The following KRT8 variants were observed in gnomAD, a reference collection of about 807,000 sequenced individuals.
KRT8 encodes keratin, type II cytoskeletal 8.
In KRT8, 24 loss-of-function variants were observed where a neutral mutation model predicts 43.0. That is an observed-to-expected ratio of 0.56 (90% CI 0.40 to 0.78). KRT8 has a LOEUF of 0.78. Among genes scored for constraint, KRT8 ranks in the 30% least tolerant of loss-of-function variants. The pLI is 0.00. For missense variants in KRT8, 492 were observed against 638.4 expected, an observed-to-expected ratio of 0.77 and a Z score of 2.47; for synonymous variants, 214 against 261.2, an observed-to-expected ratio of 0.82 and a Z score of 1.74.
intron 1 of KRT8, chr12:52,903,621 C>G (rs1160318261): frequency 1.3e-5 from 2 of 152,362 alleles, no homozygotes; most frequent in East Asian, 3.9e-4. Flanking sequence ...GGCTGCAAAA[C>G]CCGGCCTGGC....
At chr12:52,901,573 C>A in intron 2 of KRT8, 1 of 569,358 alleles carries the variant, frequency 1.8e-6, no homozygotes, top group Admixed American at 3.0e-5. Flanking sequence ...AAAGTGAGGC[C>A]CACAGGCTGC....
chr12:52,902,006 T>C, exon 2 of KRT8: 2 of 1,603,668 alleles, frequency 1.2e-6, no homozygotes, highest in Non-Finnish European at 1.7e-6. Context: ...CTTCGAGCCG[T>C]CTTCTGCTGC....
intron 2 of KRT8, among the ~76,000 whole-genome samples, chr12:52,926,144 GC>G (rs965707751): frequency 8.2e-6 from 1 of 121,462 alleles, no homozygotes; most frequent in South Asian, 2.6e-4. Context: ...GTGTGTCCCT[GC>G]CCCCCGCCCC....
chr12:52,918,256 G>GAAGAAA (rs1363578951), intron 2 of KRT8, among the ~76,000 whole-genome samples: 13 of 150,148 alleles, frequency 8.7e-5, no homozygotes, highest in Non-Finnish European at 1.3e-4. Flanking sequence ...AGAAGAAGAA[G>GAAGAAA]AAACAAAACA....
chr12:52,926,332 G>GCCC, intron 2 of KRT8: 13 of 600,250 alleles, frequency 2.2e-5, no homozygotes, highest in East Asian at 6.6e-5. Flanking sequence ...GGCACTAGCT[G>GCCC]CCCTCCCCAC....
At chr12:52,917,987 AGAAGGAGAG>A (rs1163082600) in intron 2 of KRT8, among the ~76,000 whole-genome samples, 5 of 148,188 alleles carry the variant, frequency 3.4e-5, no homozygotes, top group Admixed American at 1.4e-4. Flanking sequence ...AAGAAGAAGA[AGAAGGAGAG>A]GAAGGAGAGG....
intron 7 of KRT8, among the ~76,000 whole-genome samples, chr12:52,898,159 C>T (rs937319515): frequency 6.6e-6 from 1 of 152,020 alleles, no homozygotes; most frequent in Non-Finnish European, 1.5e-5. Context: ...AGCGAGACTT[C>T]GTCTCAAAAA....
At chr12:52,936,813 C>T (rs192912659) in intron 2 of KRT8, among the ~76,000 whole-genome samples, 43 of 152,256 alleles carry the variant, frequency 2.8e-4, no homozygotes, top group Non-Finnish European at 5.4e-4. Context: ...CTGTGCCCAG[C>T]TGCTAGATTT....
chr12:52,921,045 C>T (rs1157979230), intron 2 of KRT8, among the ~76,000 whole-genome samples: 1 of 152,214 alleles, frequency 6.6e-6, no homozygotes, highest in Non-Finnish European at 1.5e-5. Context: ...TACAATGACC[C>T]ATTCATAGGC....
chr12:52,912,639 G>T (rs74089270), intron 2 of KRT8, among the ~76,000 whole-genome samples: 1 of 152,218 alleles, frequency 6.6e-6, no homozygotes, highest in Non-Finnish European at 1.5e-5. Context: ...GTGAAAAGAC[G>T]TGGGCAGGGG....
At position 52,930,595 on chromosome 12, in the gene KRT8, C is replaced by A. The variant is rs111318531; in HGVS notation, c.-47+18861G>T. On this transcript the variant is annotated intron_variant, in intron 2 of 6. Transcript: ENST00000546826. ...CCTTTTTTTGAGACAAAGTCTTACT[C>A]CGTCACCCAGGCTGAAGTGCAGTGG... is the stretch of plus-strand genomic sequence containing the variant. 1.1e-3 allele frequency among the ~76,000 whole-genome samples: 166 copies of A among 152,008 alleles called. 2 individuals are homozygous for A. The highest frequency in any genetic ancestry group is 3.7e-3 in the African/African-American group (155 of 41,456).
intron 2 of KRT8, among the ~76,000 whole-genome samples, chr12:52,936,266 A>G (rs139715101): frequency 0.028 from 4,262 of 152,202 alleles, 82 homozygotes; most frequent in Middle Eastern, 0.078. Context: ...AAACAAAAAA[A>G]AAATTCTAAA....
intron 2 of KRT8, among the ~76,000 whole-genome samples, chr12:52,915,345 G>C (rs1400500904): frequency 6.6e-6 from 1 of 150,542 alleles, no homozygotes; most frequent in Admixed American, 6.6e-5. Flanking sequence ...CTGCACTCCA[G>C]CTTGGGCAAC....
At chr12:52,900,613 T>A (rs1397248628) in exon 4 of KRT8, 1 of 1,612,280 alleles carries the variant, frequency 6.2e-7, no homozygotes, top group Non-Finnish European at 8.5e-7. Flanking sequence ...CCTGAGGAAG[T>A]TGATCTCGTC....
At chr12:52,909,866 A>G (rs540218126), upstream of KRT8, among the ~76,000 whole-genome samples, 1 of 152,344 alleles carries the variant, frequency 6.6e-6, no homozygotes, top group Non-Finnish European at 1.5e-5. Context: ...AGAGTGAGGG[A>G]GGACAGCACA....
intron 2 of KRT8, among the ~76,000 whole-genome samples, chr12:52,930,573 T>C (rs1169802509): frequency 6.6e-6 from 1 of 151,900 alleles, no homozygotes; most frequent in East Asian, 1.9e-4. Context: ...TTTTTTTCCT[T>C]TTTTTGAGAC....
chr12:52,944,809 A>G (rs1235806123), intron 2 of KRT8, among the ~76,000 whole-genome samples: 4 of 152,170 alleles, frequency 2.6e-5, no homozygotes, highest in African/African-American at 9.7e-5. Flanking sequence ...GGCCTGGCCC[A>G]AGCCCTGAGA....
At chr12:52,905,051 T>G (rs2070910) in exon 1 of KRT8, 534,354 of 1,539,630 alleles carry the variant, frequency 0.35, 95,711 homozygotes, top group Non-Finnish European at 0.37. Context: ...AGAAGCTGCT[T>G]CTTGGTGAGG....
intron 2 of KRT8, among the ~76,000 whole-genome samples, chr12:52,929,184 CTTTCTT>C (rs933701200): frequency 2.9e-4 from 30 of 104,500 alleles, no homozygotes; most frequent in African/African-American, 8.6e-4. Flanking sequence ...TCCTTCCTTC[CTTTCTT>C]TTTTTTTTTT....
Sources: gnomAD v4.1 joint callset for allele counts (sites outside exome capture counted in the v4.1 genomes callset) on GRCh38, gnomAD v4.1.1 for gene constraint, MANE v1.5 for transcripts, NCBI Gene and HGNC (gene_info 2026-07-23, HGNC 2026-07-21) for gene names.